The following PDE10A variants were observed in gnomAD, a reference collection of about 807,000 sequenced individuals.
PDE10A encodes the protein cAMP and cAMP-inhibited cGMP 3',5'-cyclic phosphodiesterase 10A.
A neutral mutation model predicts 97.7 loss-of-function variants in PDE10A; 39 were observed. The observed-to-expected ratio is 0.40, with a 90% CI of 0.31 to 0.52. The LOEUF is 0.52. PDE10A is among the 20% of genes least tolerant of loss of function. PDE10A has a pLI of 0.56. For synonymous variants in PDE10A, 371 were observed against 376.8 expected, an observed-to-expected ratio of 0.98 and a Z score of 0.18; for missense variants, 731 against 1,047.8, an observed-to-expected ratio of 0.70 and a Z score of 4.17.
intron 1 of PDE10A, among the ~76,000 whole-genome samples, chr6:165,608,326 G>A (rs1467370146): frequency 7.1e-6 from 1 of 140,492 alleles, no homozygotes; most frequent in Non-Finnish European, 1.5e-5. Context: ...TGTTCTCATT[G>A]TTCAATTCCC....
In PDE10A at chr6:165,916,912, C is replaced by T. The variant is rs181235009; in HGVS notation, c.-615+70617G>A. 2.6e-4 allele frequency among the ~76,000 whole-genome samples: 39 copies of T among 152,248 alleles called. No homozygotes were observed. The East Asian group carries it at 7.0e-3, about 27-fold the overall frequency. ...CCACCATACATAGCAGGCTCTCCCT[C>T]GCCCAGACCCCATGCCAATGGGGTT... is the stretch of plus-strand genomic sequence containing the variant. On this transcript the variant is annotated intron_variant, in intron 1 of 19. Transcript: ENST00000366882.
intron 1 of PDE10A, among the ~76,000 whole-genome samples, chr6:165,788,149 A>C (rs1159749960): frequency 1.3e-5 from 2 of 152,216 alleles, no homozygotes; most frequent in African/African-American, 4.8e-5. Flanking sequence ...TGCAACATGT[A>C]TAGCATATAT....
intron 1 of PDE10A, among the ~76,000 whole-genome samples, chr6:165,839,945 T>TCTCTC (rs1562762692): frequency 3.1e-5 from 1 of 32,030 alleles, no homozygotes; most frequent in Non-Finnish European, 7.4e-5. Context: ...TTATCTTCAT[T>TCTCTC]TCCATCCCCA....
intron 1 of PDE10A, among the ~76,000 whole-genome samples, chr6:165,614,172 C>T (rs3008013): frequency 0.67 from 101,210 of 152,070 alleles, 34,142 homozygotes; most frequent in Middle Eastern, 0.79. Context: ...CTGACTATTC[C>T]CTGCCTTCTT....
intron 1 of PDE10A, among the ~76,000 whole-genome samples, chr6:165,776,360 G>A (rs561820355): frequency 5.3e-5 from 8 of 152,180 alleles, no homozygotes; most frequent in Non-Finnish European, 1.0e-4. Flanking sequence ...TAACATCCAA[G>A]TAGATTCAAC....
chr6:165,782,010 T>G (rs1188928198), intron 1 of PDE10A: 1 of 152,144 alleles, frequency 6.6e-6, no homozygotes, highest in Non-Finnish European at 1.5e-5. Flanking sequence ...ATGACCCAGA[T>G]AGTAAGGTAA....
At chr6:165,723,636 T>C (rs1282840993) in intron 1 of PDE10A, among the ~76,000 whole-genome samples, 1 of 152,202 alleles carries the variant, frequency 6.6e-6, no homozygotes, top group Admixed American at 6.5e-5. Context: ...CTACCAATCC[T>C]ATACTTTAGT....
At chr6:165,654,711 C>T (rs1026160080) in intron 1 of PDE10A, among the ~76,000 whole-genome samples, 5 of 152,186 alleles carry the variant, frequency 3.3e-5, no homozygotes, top group African/African-American at 9.6e-5. Flanking sequence ...CAAAAGGCCC[C>T]GTCTGCCATC....
At position 165,943,361 on chromosome 6, in the gene PDE10A, A is replaced by AAAAAGAAAGG. The variant is rs1167502272; in HGVS notation, c.-615+44167_-615+44168insCCTTTCTTTT. 3.3e-4 allele frequency among the ~76,000 whole-genome samples: 30 copies of AAAAAGAAAGG among 89,934 alleles called. 1 individual carries two copies. Among genetic ancestry groups the AAAAAGAAAGG allele is most frequent in the African/African-American group, 1.1e-3 (27 of 24,306 alleles). The allele number at this position is 89,934 out of a possible 152,430, so 59.0% of individuals were successfully genotyped here. A position where few individuals can be genotyped will look rare whatever the true frequency, so the allele number is the denominator to read the frequency against. ...AGAAAGAAAAGAGAAAGAAAGAAAG[A>AAAAAGAAAGG]GAAAGAAAGAAAACGAACGAACTGA... is the stretch of plus-strand genomic sequence containing the variant. On this transcript the variant is annotated intron_variant, in intron 1 of 19. Transcript: ENST00000366882.
chr6:165,702,806 C>T lies in PDE10A; in HGVS notation c.-614-159238G>A, dbSNP rs187748375. 4.1e-4 allele frequency among the ~76,000 whole-genome samples: 63 copies of T among 152,258 alleles called. No homozygotes were observed. The East Asian group carries it at 7.0e-3, about 17-fold the overall frequency. ...CAGTTCCCATGGTGCACTGCAAGGA[C>T]GCTCTCTCATGATCTAATCTGCACT... is the stretch of plus-strand genomic sequence containing the variant. On this transcript the variant is annotated intron_variant, in intron 1 of 19. Coordinates refer to the PDE10A transcript ENST00000366882.
At chr6:165,344,923 G>A (rs1192393047) in intron 18 of PDE10A, among the ~76,000 whole-genome samples, 3 of 152,148 alleles carry the variant, frequency 2.0e-5, no homozygotes, top group African/African-American at 7.2e-5. Flanking sequence ...CTTACAAGTG[G>A]TCAGGGAAAC....
chr6:165,537,148 G>T (rs1783136364), intron 2 of PDE10A, among the ~76,000 whole-genome samples: 1 of 151,992 alleles, frequency 6.6e-6, no homozygotes, highest in South Asian at 2.1e-4. Context: ...CAACATGGAT[G>T]GAACTAGAGT....
At chr6:165,915,124 T>A (rs146130247) in intron 1 of PDE10A, among the ~76,000 whole-genome samples, 21 of 152,138 alleles carry the variant, frequency 1.4e-4, no homozygotes, top group Middle Eastern at 6.8e-3. Flanking sequence ...GCAATTAGAG[T>A]GTGTTCAAAA....
At chr6:165,411,600 T>C (rs1044599913) in intron 13 of PDE10A, among the ~76,000 whole-genome samples, 1 of 152,250 alleles carries the variant, frequency 6.6e-6, no homozygotes, top group Non-Finnish European at 1.5e-5. Flanking sequence ...TTTATTACAG[T>C]GGCCCTAGCA....
chr6:165,912,058 C>G, intron 1 of PDE10A, among the ~76,000 whole-genome samples: 1 of 151,882 alleles, frequency 6.6e-6, no homozygotes, highest in East Asian at 1.9e-4. Context: ...TCTCTATTAT[C>G]TGTTTATCAT....
At chr6:165,527,981 G>A (rs184444139) in intron 2 of PDE10A, among the ~76,000 whole-genome samples, 44 of 152,322 alleles carry the variant, frequency 2.9e-4, no homozygotes, top group African/African-American at 8.4e-4. Context: ...CCTAGAGGAC[G>A]GCGGTGAAGG....
intron 1 of PDE10A, among the ~76,000 whole-genome samples, chr6:165,656,761 T>G (rs1239065118): frequency 6.6e-6 from 1 of 152,318 alleles, no homozygotes; most frequent in South Asian, 2.1e-4. Context: ...TCACACCTTG[T>G]GAAACCTTTC....
rs1791900477 is a variant in PDE10A, at chr6:165,711,737, G to T, written c.-614-168169C>A. 6.6e-6 allele frequency among the ~76,000 whole-genome samples: 1 copy of T among 152,190 alleles called. No homozygotes were observed. Among genetic ancestry groups the T allele is most frequent in the South Asian group, 2.1e-4 (1 of 4,820 alleles). On this transcript the variant is annotated intron_variant, in intron 1 of 19. Coordinates refer to the PDE10A transcript ENST00000366882. The surrounding 1 kb of genome is among the most constrained non-coding windows in gnomAD (Gnocchi z 4.5). The stretch of plus-strand genomic sequence containing the variant: ...CACAAGCCTGTTCAGAACAACCCAG[G>T]AACTGTGCTAATTCACTCGTCAGAC...
intron 17 of PDE10A, among the ~76,000 whole-genome samples, chr6:165,381,268 C>T (rs1268477452): frequency 6.6e-6 from 1 of 152,096 alleles, no homozygotes; most frequent in Non-Finnish European, 1.5e-5. Flanking sequence ...CCAAAAGTGT[C>T]GACTGTCCCA....
Sources: gnomAD v4.1 joint callset for allele counts (sites outside exome capture counted in the v4.1 genomes callset) on GRCh38, gnomAD v4.1.1 for gene constraint, Gnocchi (gnomAD v3.1) non-coding constraint, MANE v1.5 for transcripts, NCBI Gene and HGNC (gene_info 2026-07-23, HGNC 2026-07-21) for gene names.